DLG1: variants seen among roughly 807,000 people sequenced by gnomAD.
DLG1 encodes the protein discs large MAGUK scaffold protein 1.
In DLG1, 42 loss-of-function variants were observed where a neutral mutation model predicts 123.4. The observed-to-expected ratio is 0.34, with a 90% CI of 0.27 to 0.44. DLG1 has a LOEUF of 0.44. DLG1 is among the 20% of genes least tolerant of loss of function. The pLI is 1.00. For missense variants in DLG1, 942 were observed against 1,082.6 expected, an observed-to-expected ratio of 0.87 and a Z score of 1.82; for synonymous variants, 317 against 356.2, an observed-to-expected ratio of 0.89 and a Z score of 1.24.
At chr3:197,259,774 C>T (rs965231292) in intron 4 of DLG1, among the ~76,000 whole-genome samples, 1 of 152,158 alleles carries the variant, frequency 6.6e-6, no homozygotes, top group Non-Finnish European at 1.5e-5. Context: ...CAAGTCTAAT[C>T]ATTTTAAATC....
At chr3:197,115,539 T>C (rs1359438259) in intron 13 of DLG1, among the ~76,000 whole-genome samples, 1 of 152,194 alleles carries the variant, frequency 6.6e-6, no homozygotes, top group African/African-American at 2.4e-5. Context: ...GAGGACCAAC[T>C]GTTGAACCCA....
At chr3:197,249,385 G>A (rs1394687650) in intron 4 of DLG1, among the ~76,000 whole-genome samples, 1 of 152,014 alleles carries the variant, frequency 6.6e-6, no homozygotes, top group Non-Finnish European at 1.5e-5. Context: ...AACAAGTAAT[G>A]AGATTGAAGC....
intron 4 of DLG1, among the ~76,000 whole-genome samples, chr3:197,227,760 G>A (rs1002283863): frequency 6.6e-6 from 1 of 152,088 alleles, no homozygotes; most frequent in African/African-American, 2.4e-5. Flanking sequence ...TTATGTAATT[G>A]TATAAGGGGT....
Position 197,090,960 on chromosome 3 carries a change from G to A in DLG1, c.1613C>T (p.Ser538Leu). The A allele has an allele frequency of 4.3e-6, 7 of 1,611,786 alleles. No individual in the cohort carries two copies. Among genetic ancestry groups the A allele is most frequent in the Non-Finnish European group, 5.9e-6 (7 of 1,178,550 alleles). The change falls in exon 15 of 25, where the codon TCA becomes TTA. Residue 538 changes from serine (S) to leucine (L), a missense_variant. Coordinates refer to ENST00000667157, the MANE Select transcript of DLG1 (RefSeq NM_001366207.1). ...GCTAGTTCGAAGAGAACCTGACCCT[G>A]AACTAATACTACTATTCATCATCTG... is the stretch of plus-strand genomic sequence containing the variant. ...REQMMNSSIS[S>L]GSGSLRTSQK...
chr3:197,106,294 TA>T (rs774726950), intron 13 of DLG1, among the ~76,000 whole-genome samples: 12 of 152,080 alleles, frequency 7.9e-5, no homozygotes, highest in Non-Finnish European at 1.6e-4. Flanking sequence ...TAGTCCCAGC[TA>T]CTCAGGAGGC....
In DLG1 at chr3:197,091,003, T is replaced by C; in HGVS notation, c.1570A>G (p.Ile524Val). Residue 524 changes from isoleucine to valine, a missense_variant, in exon 15 of 25, where the codon ATA (isoleucine) becomes GTA (valine). By Grantham distance (29) the Ile-to-Val change is conservative. Coordinates refer to ENST00000667157, the MANE Select transcript of DLG1 (RefSeq NM_001366207.1). ...PEEYSRFEAK[I>V]HDLREQMMNS... ...ATCATCTGCTCCCGTAAATCATGTA[T>C]TTTAGCTTCAAAACGACTGTATTCT... 1.2e-6 allele frequency: 2 copies of C among 1,611,434 alleles called. No individual in the cohort carries two copies. Among genetic ancestry groups the C allele is most frequent in the Non-Finnish European group, 1.7e-6 (2 of 1,177,994 alleles).
intron 14 of DLG1, among the ~76,000 whole-genome samples, chr3:197,098,105 T>C (rs1188816496): frequency 6.6e-6 from 1 of 152,218 alleles, no homozygotes; most frequent in Non-Finnish European, 1.5e-5. Context: ...CCGTACGCTG[T>C]TGCTCTTGAA....
chr3:197,138,360 C>T lies in DLG1; in HGVS notation c.745G>A (p.Val249Ile), dbSNP rs1786153512. 7.1e-6 allele frequency: 11 copies of T among 1,553,450 alleles called. No individual in the cohort carries two copies. The highest frequency in any genetic ancestry group is 8.7e-6 in the Non-Finnish European group (10 of 1,143,422). Residue 249 changes from valine (V) to isoleucine (I), a missense_variant, in exon 9 of 25, where the codon GTA becomes ATA. By Grantham distance (29) the Val-to-Ile change is conservative. Transcript: ENST00000667157. ...CTATGTGTTACATCACGAACATCTA[C>T]TTCATTTACTCGTAATATACAGTCA... is the stretch of plus-strand genomic sequence containing the variant. ...VNDCILRVNE[V>I]DVRDVTHSKA...
At chr3:197,078,361 A>G (rs925983326) in intron 17 of DLG1, 1 of 151,790 alleles carries the variant, frequency 6.6e-6, no homozygotes, top group African/African-American at 2.4e-5. Flanking sequence ...AGTGACTTTT[A>G]GCTCAAATTC....
At position 197,211,946 on chromosome 3, in the gene DLG1, T is replaced by C. The variant is rs1731455152; in HGVS notation, c.319-17357A>G. Among the ~76,000 whole-genome samples, 5 of 146,404 alleles carry C rather than the reference T, an allele frequency of 3.4e-5. No homozygotes were observed. In the South Asian group the frequency reaches 1.3e-3, roughly 38 times the overall value. ...CACGATCATGTCTTTTGAGGGAAGA[T>C]GGATGTTGCTAGAGGCTATTATCCT... On this transcript the variant is annotated intron_variant, in intron 4 of 24. Coordinates refer to ENST00000667157, the MANE Select transcript of DLG1 (RefSeq NM_001366207.1).
rs776000134 is a variant in DLG1 at position 197,065,748 on chromosome 3, C to G, written c.2160G>C (p.Leu720Phe). Residue 720 changes from leucine (L) to phenylalanine (F), a missense_variant, in exon 21 of 25, where the codon TTG becomes TTC. Coordinates refer to ENST00000667157, the MANE Select transcript of DLG1 (RefSeq NM_001366207.1). ...GPMKDRINDDLISEFPDKFGS... is the reference protein window; with the variant it reads ...GPMKDRINDDFISEFPDKFGS... ...CAAATTTGTCAGGAAATTCTGAGAT[C>G]AAGTCATCATTTATCCTGTCTTTCA... 2 of 1,612,636 alleles carry G rather than the reference C, an allele frequency of 1.2e-6. No individual in the cohort carries two copies. The highest frequency in any genetic ancestry group is 1.7e-6 in the Non-Finnish European group (2 of 1,179,186).
chr3:197,146,623 T>C (rs1454863730), intron 6 of DLG1, among the ~76,000 whole-genome samples: 1 of 152,138 alleles, frequency 6.6e-6, no homozygotes, highest in African/African-American at 2.4e-5. Flanking sequence ...TGGATCCTCA[T>C]CTCTCACCTT....
At chr3:197,205,895 A>G (rs1183088788) in intron 4 of DLG1, among the ~76,000 whole-genome samples, 1 of 152,188 alleles carries the variant, frequency 6.6e-6, no homozygotes, top group African/African-American at 2.4e-5. Flanking sequence ...CTCCATCTTC[A>G]AAGCCACCAA....
intron 16 of DLG1, among the ~76,000 whole-genome samples, chr3:197,082,738 T>C (rs1182528704): frequency 6.6e-6 from 1 of 152,240 alleles, no homozygotes; most frequent in East Asian, 1.9e-4. Context: ...GGTTTCTTAC[T>C]GTATTTTACG....
intron 22 of DLG1, 120 bp from the exon 23 acceptor site, chr3:197,060,118 T>A: frequency 1.7e-6 from 1 of 587,570 alleles, no homozygotes; most frequent in Non-Finnish European, 2.8e-6. Context: ...TTGTTCACTT[T>A]TAGTAAACTT....
intron 4 of DLG1, among the ~76,000 whole-genome samples, chr3:197,249,470 GA>G (rs34270036): frequency 0.11 from 17,268 of 151,696 alleles, 1,096 homozygotes; most frequent in Middle Eastern, 0.14. Context: ...TCCCACCAAA[GA>G]AAAGCCCAGG....
At chr3:197,269,900 T>G (rs1193461560) in intron 4 of DLG1, among the ~76,000 whole-genome samples, 1 of 152,192 alleles carries the variant, frequency 6.6e-6, no homozygotes, top group African/African-American at 2.4e-5. Context: ...GTATTCATTT[T>G]AAAATATTAA....
intron 4 of DLG1, among the ~76,000 whole-genome samples, chr3:197,220,410 T>C (rs762263230): frequency 6.6e-6 from 1 of 152,126 alleles, no homozygotes; most frequent in Non-Finnish European, 1.5e-5. Context: ...ATAAGTACAT[T>C]CTTAAAGGAA....
In DLG1 at chr3:197,138,208, G is replaced by A. The variant is rs377505252; in HGVS notation, c.883+14C>T. The A allele has an allele frequency of 4.8e-6, 7 of 1,472,020 alleles. No individual in the cohort carries two copies. The African/African-American group carries it at 8.4e-5, about 18-fold the overall frequency. The allele number at this position is 1,472,020 out of a possible 1,614,324, so 91.2% of individuals were successfully genotyped here. On this transcript the variant is annotated intron_variant, in intron 9 of 24. Coordinates refer to ENST00000667157, the MANE Select transcript of DLG1 (RefSeq NM_001366207.1). The stretch of plus-strand genomic sequence containing the variant: ...ATTTCTTAAAGATTTATCTTAGTTT[G>A]ACTTACCACATACCTTTAGGACCTT...
Sources: allele counts gnomAD v4.1 joint callset (sites outside exome capture counted in the v4.1 genomes callset), GRCh38; gene constraint gnomAD v4.1.1; transcripts MANE v1.5; gene names NCBI Gene and HGNC (gene_info 2026-07-23, HGNC 2026-07-21).